The following CHD7 variants were observed in gnomAD, a reference collection of about 807,000 sequenced individuals.
CHD7 encodes chromodomain helicase DNA binding protein 7, also known as ATP-dependent chromatin remodeler CHD7.
CHD7 carries 24 observed loss-of-function variants against 307.3 expected under a neutral mutation model. The observed-to-expected ratio is 0.08, with a 90% confidence interval of 0.06 to 0.11. The LOEUF (loss-of-function observed/expected upper bound fraction) is 0.11. Among genes scored for constraint, CHD7 ranks in the 10% least tolerant of loss-of-function variants. The probability of loss-of-function intolerance (pLI) is 1.00; values close to 1 mark genes in which losing one functional copy is unlikely to be tolerated. For missense variants in CHD7, 3,106 were observed against 3,727.1 expected, an observed-to-expected ratio of 0.83 and a Z score of 4.34; for synonymous variants, 1,363 against 1,349.9, an observed-to-expected ratio of 1.01 and a Z score of -0.21.
At chr8:60,721,015 T>G (rs903119331) in intron 1 of CHD7, among the ~76,000 whole-genome samples, 18 of 152,186 alleles carry the variant, frequency 1.2e-4, no homozygotes, top group African/African-American at 4.3e-4. Flanking sequence ...TGGACACTTT[T>G]CTCTTTGTCA....
At chr8:60,805,673 G>A (rs1185420645) in intron 6 of CHD7, among the ~76,000 whole-genome samples, 3 of 152,092 alleles carry the variant, frequency 2.0e-5, no homozygotes, top group African/African-American at 7.2e-5. Context: ...TGTATGTGTT[G>A]GTGCCCACTT....
intron 1 of CHD7, among the ~76,000 whole-genome samples, chr8:60,679,317 CG>C (rs1282312522): frequency 6.9e-6 from 1 of 145,740 alleles, no homozygotes; most frequent in Non-Finnish European, 1.5e-5. Flanking sequence ...ACCCGCGCCC[CG>C]AGCGCCGCCC....
intron 1 of CHD7, among the ~76,000 whole-genome samples, chr8:60,716,338 T>C (rs938582212): frequency 2.3e-4 from 35 of 152,222 alleles, no homozygotes; most frequent in African/African-American, 1.7e-4. Context: ...ATTCATCCTC[T>C]TGAGGCAAAA....
intron 2 of CHD7, among the ~76,000 whole-genome samples, chr8:60,748,806 A>C (rs1354072726): frequency 6.6e-6 from 1 of 152,168 alleles, no homozygotes; most frequent in Non-Finnish European, 1.5e-5. Flanking sequence ...TATTTTGGAT[A>C]CATTTGTACC....
intron 2 of CHD7, among the ~76,000 whole-genome samples, chr8:60,745,096 C>T (rs981775113): frequency 4.0e-5 from 6 of 151,694 alleles, no homozygotes; most frequent in Non-Finnish European, 7.4e-5. Context: ...CAGGGCAGAA[C>T]GCCTCTCCTC....
chr8:60,811,188 T>C (rs1286837936), intron 7 of CHD7, among the ~76,000 whole-genome samples: 1 of 152,198 alleles, frequency 6.6e-6, no homozygotes, highest in Non-Finnish European at 1.5e-5. Context: ...TTCTTTAGTT[T>C]TGGTTTGTAT....
intron 14 of CHD7, among the ~76,000 whole-genome samples, chr8:60,829,514 T>C (rs1037110370): frequency 6.6e-6 from 1 of 151,976 alleles, no homozygotes; most frequent in African/African-American, 2.4e-5. Context: ...GGCAGGAGAA[T>C]CACTTGAACC....
At chr8:60,820,546 A>G (rs1229710642) in intron 9 of CHD7, among the ~76,000 whole-genome samples, 1 of 152,194 alleles carries the variant, frequency 6.6e-6, no homozygotes, top group African/African-American at 2.4e-5. Context: ...CTCTTAAAAG[A>G]TCCTAGTCTC....
intron 15 of CHD7, among the ~76,000 whole-genome samples, chr8:60,833,468 T>G (rs1191345994): frequency 6.6e-6 from 1 of 152,188 alleles, no homozygotes. Context: ...AAAACACGAA[T>G]GAGGCTTACG....
rs565767838 is a variant in CHD7 at position 60,764,231 on chromosome 8, C to T, written c.1666-16769C>T. Among the ~76,000 whole-genome samples the T allele has an allele frequency of 1.6e-4, 25 of 152,198 alleles. No homozygotes were observed. The South Asian group carries it at 3.9e-3, about 24-fold the overall frequency. On this transcript the variant is annotated intron_variant, in intron 2 of 37. Coordinates refer to ENST00000423902, the MANE Select transcript of CHD7 (RefSeq NM_017780.4). Reference sequence around the variant, plus strand: ...GTCTCAATCTCCTGACCTCGTGATCCGCCCGCCTCGGCCTCCCAAAGTGCT... The same window carrying T: ...GTCTCAATCTCCTGACCTCGTGATCTGCCCGCCTCGGCCTCCCAAAGTGCT...
intron 15 of CHD7, 70 bp downstream of exon 15, chr8:60,830,647 G>T: frequency 6.5e-7 from 1 of 1,545,022 alleles, no homozygotes; most frequent in South Asian, 1.2e-5. Flanking sequence ...TCTGCCCCCA[G>T]ACTGGGGATT....
chr8:60,821,099 A>T (rs1326836627), intron 9 of CHD7, among the ~76,000 whole-genome samples: 1 of 152,056 alleles, frequency 6.6e-6, no homozygotes, highest in Non-Finnish European at 1.5e-5. Context: ...AAACAGTATC[A>T]CTCTTTTTAA....
At chr8:60,776,515 C>G (rs1012223736) in intron 2 of CHD7, among the ~76,000 whole-genome samples, 1 of 152,168 alleles carries the variant, frequency 6.6e-6, no homozygotes, top group African/African-American at 2.4e-5. Flanking sequence ...CCTCTGCCTC[C>G]CCCTCTCTCT....
intron 1 of CHD7, among the ~76,000 whole-genome samples, chr8:60,679,388 C>T (rs944994233): frequency 3.1e-5 from 4 of 128,346 alleles, no homozygotes; most frequent in African/African-American, 1.1e-4. Context: ...CGCGGTGCGG[C>T]CGAGGGTCAC....
At chr8:60,842,871 C>G (rs1252071447) in intron 21 of CHD7, among the ~76,000 whole-genome samples, 1 of 152,200 alleles carries the variant, frequency 6.6e-6, no homozygotes, top group Non-Finnish European at 1.5e-5. Flanking sequence ...GTAGTCCAAG[C>G]TTCTGTTAGG....
At chr8:60,721,623 C>G (rs977157249) in intron 1 of CHD7, among the ~76,000 whole-genome samples, 50 of 152,172 alleles carry the variant, frequency 3.3e-4, no homozygotes, top group African/African-American at 1.2e-3. Context: ...AGGGCTTACT[C>G]CAAGAATTTC....
chr8:60,803,992 T>C (rs1812433223), intron 6 of CHD7, among the ~76,000 whole-genome samples: 2 of 152,132 alleles, frequency 1.3e-5, no homozygotes, highest in Admixed American at 1.3e-4. Context: ...TGACCCAGAG[T>C]GGAGACTCCA....
intron 6 of CHD7, among the ~76,000 whole-genome samples, chr8:60,806,502 A>G (rs909664810): frequency 9.8e-5 from 15 of 152,346 alleles, no homozygotes; most frequent in African/African-American, 3.4e-4. Context: ...CTGGTTCTTG[A>G]AGCCATCCAA....
In CHD7 at chr8:60,852,532, G is replaced by A; in HGVS notation, c.5929G>A (p.Val1977Met). The A allele has an allele frequency of 1.2e-6, 2 of 1,613,892 alleles. No homozygotes were observed. Among genetic ancestry groups the A allele is most frequent in the South Asian group, 1.1e-5 (1 of 91,064 alleles). The change falls in exon 30 of 38, where the codon GTG becomes ATG. Residue 1977 changes from valine to methionine, a missense_variant. Physicochemically the swap from Val to Met is conservative, Grantham distance 21. Around this residue, in one of 10 missense-constraint regions of CHD7, gnomAD observed 1,030 missense variants for 1,165.4 expected, o/e 0.88. Coordinates refer to ENST00000423902, the MANE Select transcript of CHD7 (RefSeq NM_017780.4). ...TRREEADFYR[V>M]VSTFGVIFDP... ...AAGAGAAGAGGCTGATTTTTACCGT[G>A]TGGTATCCACCTTTGGGGTTATTTT...
Sources: allele counts gnomAD v4.1 joint callset (sites outside exome capture counted in the v4.1 genomes callset), GRCh38; gene constraint gnomAD v4.1.1; regional missense constraint gnomAD v4.1.1; transcripts MANE v1.5; gene names NCBI Gene and HGNC (gene_info 2026-07-23, HGNC 2026-07-21).